The following DCAF10 variants were observed in gnomAD, a reference collection of about 807,000 sequenced individuals.
DCAF10 encodes the protein DDB1 and CUL4 associated factor 10.
Under a neutral mutation model 51.9 loss-of-function variants are expected in DCAF10, and 19 were observed. The ratio of observed to expected loss-of-function variants is 0.37; its 90% CI spans 0.26 to 0.54. DCAF10 has a LOEUF of 0.54. Among genes scored for constraint, DCAF10 ranks in the 20% least tolerant of loss-of-function variants. The probability of loss-of-function intolerance (pLI) is 0.87; values close to 1 mark genes in which losing one functional copy is unlikely to be tolerated. For synonymous variants in DCAF10, 291 were observed against 297.1 expected, an observed-to-expected ratio of 0.98 and a Z score of 0.21; for missense variants, 510 against 730.6, an observed-to-expected ratio of 0.70 and a Z score of 3.48.
intron 2 of DCAF10, among the ~76,000 whole-genome samples, chr9:37,837,186 C>T (rs1830190187): frequency 6.6e-6 from 1 of 152,150 alleles, no homozygotes; most frequent in African/African-American, 2.4e-5. Context: ...GCAGGCCGGG[C>T]ACGGTGGCTC....
intron 3 of DCAF10, among the ~76,000 whole-genome samples, chr9:37,847,224 G>A (rs1455766730): frequency 8.2e-6 from 1 of 121,738 alleles, no homozygotes. Flanking sequence ...TTGCACCCCA[G>A]CCTGGGGCAC....
chr9:37,836,353 C>G, intron 2 of DCAF10: 1 of 1,610,810 alleles, frequency 6.2e-7, no homozygotes, highest in Non-Finnish European at 8.5e-7. Flanking sequence ...ATCAAGGAGC[C>G]AATCTGGGAA....
chr9:37,847,450 T>C lies in DCAF10; in HGVS notation c.851+5164T>C, dbSNP rs539808465. 2.0e-5 allele frequency among the ~76,000 whole-genome samples: 3 copies of C among 152,232 alleles called. No homozygotes were observed. The South Asian group carries it at 6.2e-4, about 32-fold the overall frequency. ...AATCAGTTAATGTAATACATTATAC[T>C]AATAAAGGTCAAAACCCATATGATA... is the stretch of plus-strand genomic sequence containing the variant. On this transcript the variant is annotated intron_variant, in intron 3 of 6. Coordinates refer to ENST00000377724, the MANE Select transcript of DCAF10 (RefSeq NM_024345.5).
Position 37,844,220 on chromosome 9 carries a change from GATA to G in DCAF10, c.851+1936_851+1938del, listed in dbSNP as rs539158407. 2.0e-5 allele frequency among the ~76,000 whole-genome samples: 3 copies of G among 152,322 alleles called. No homozygotes were observed. In the South Asian group the frequency reaches 6.2e-4, roughly 32 times the overall value. ...CAGCATTCTCTCATTTACTTATCTA[GATA>G]AGATAGACAAAAATGGGCCGGGCAT... On this transcript the variant is annotated intron_variant, in intron 3 of 6. Coordinates refer to ENST00000377724, the MANE Select transcript of DCAF10 (RefSeq NM_024345.5).
chr9:37,801,010 T>A lies in DCAF10; in HGVS notation c.144T>A (p.Pro48=). ...LHPGADATHP[P]PPARSPRRPG... The stretch of plus-strand genomic sequence containing the variant: ...CCGGGGCTGATGCGACCCATCCCCC[T>A]CCACCCGCCCGAAGCCCTCGCCGCC... The change falls in exon 1 of 7, where the codon CCT becomes CCA. Residue 48 remains proline, a synonymous_variant. Transcript: ENST00000377724. This position sits in a 1 kb window ranked among gnomAD's most constrained non-coding sequence, Gnocchi z 5.5. 1 of 1,538,274 alleles carries A rather than the reference T, an allele frequency of 6.5e-7. No individual in the cohort carries two copies. The highest frequency in any genetic ancestry group is 2.5e-5 in the East Asian group (1 of 39,812).
intron 2 of DCAF10, among the ~76,000 whole-genome samples, chr9:37,830,337 C>A (rs919804919): frequency 6.6e-6 from 1 of 152,134 alleles, no homozygotes; most frequent in African/African-American, 2.4e-5. Flanking sequence ...TTGGTGAGGG[C>A]ATGTATTTGT....
chr9:37,851,133 A>T (rs1043029006), intron 3 of DCAF10, among the ~76,000 whole-genome samples: 4 of 151,466 alleles, frequency 2.6e-5, no homozygotes, highest in African/African-American at 9.7e-5. Flanking sequence ...AATCCCAGCT[A>T]CTTGGGAGGC....
intron 2 of DCAF10, among the ~76,000 whole-genome samples, chr9:37,822,403 T>TGA (rs1192043970): frequency 1.2e-5 from 1 of 81,292 alleles, no homozygotes; most frequent in Admixed American, 1.6e-4. Flanking sequence ...AAAGAAACTG[T>TGA]GATATATATA....
chr9:37,826,878 A>T (rs10121878), intron 2 of DCAF10, among the ~76,000 whole-genome samples: 27,682 of 135,614 alleles, frequency 0.2, 3,019 homozygotes, highest in African/African-American at 0.32. Flanking sequence ...CAGGCTGGAG[A>T]GCAATGGCGC....
rs888228585 is a variant in DCAF10 at position 37,861,031 on chromosome 9, G to A, written c.1312-109G>A. 2 of 1,435,078 alleles carry A rather than the reference G, an allele frequency of 1.4e-6. No individual in the cohort carries two copies. Among genetic ancestry groups the A allele is most frequent in the Admixed American group, 2.2e-5 (1 of 44,564 alleles). 88.9% of individuals were successfully genotyped at this position (1,435,078 alleles called of 1,614,324 possible). A position where few individuals can be genotyped will look rare whatever the true frequency, so the allele number is the denominator to read the frequency against. On this transcript the variant is annotated intron_variant, in intron 6 of 6. Transcript: ENST00000377724. This position sits in a 1 kb window ranked among gnomAD's most constrained non-coding sequence, Gnocchi z 4.9. ...ATAGCATTATTCTGAGTGATTTCTT[G>A]TAAAAATTCTGTGGCTTTGGCAATC...
In DCAF10 at chr9:37,854,777, T is replaced by C. The variant is rs1297300733; in HGVS notation, c.852-3T>C. ...GATTTTGTTGGCTTGGTTTCTCCTG[T>C]AGGTATACAGAAGATGGGTGTCCAC... On this transcript the variant is annotated splice_region_variant and splice_polypyrimidine_tract_variant and intron_variant, in intron 3 of 6. Coordinates refer to ENST00000377724, the MANE Select transcript of DCAF10 (RefSeq NM_024345.5). The C allele has an allele frequency of 6.2e-7, 1 of 1,613,066 alleles. No individual in the cohort carries two copies. Among genetic ancestry groups the C allele is most frequent in the East Asian group, 2.2e-5 (1 of 44,844 alleles).
chr9:37,830,849 T>C (rs1271404831), intron 2 of DCAF10, among the ~76,000 whole-genome samples: 1 of 152,254 alleles, frequency 6.6e-6, no homozygotes, highest in Non-Finnish European at 1.5e-5. Flanking sequence ...TAGCAACTCA[T>C]GCCTACAAAT....
At chr9:37,845,590 A>G (rs999488036) in intron 3 of DCAF10, among the ~76,000 whole-genome samples, 11 of 152,214 alleles carry the variant, frequency 7.2e-5, no homozygotes, top group Non-Finnish European at 7.3e-5. Context: ...AAGTACTGTT[A>G]AAAGATTGAA....
chr9:37,863,010 A>C lies in DCAF10; in HGVS notation c.*1502A>C, dbSNP rs1831055151. Reference sequence around the variant, plus strand: ...GGGTCTCGGGATTGCAGGTTGAAAAACACAACCTTAATCAGCAGTAAATTC... The same window carrying C: ...GGGTCTCGGGATTGCAGGTTGAAAACCACAACCTTAATCAGCAGTAAATTC... On this transcript the variant is annotated 3_prime_UTR_variant, in exon 7 of 7. Transcript: ENST00000377724. 6.6e-6 allele frequency: 1 copy of C among 152,124 alleles called. No individual in the cohort carries two copies. 9.4% of individuals were successfully genotyped at this position (152,124 alleles called of 1,614,324 possible).
intron 3 of DCAF10, among the ~76,000 whole-genome samples, chr9:37,845,054 T>C (rs1416283361): frequency 6.6e-6 from 1 of 152,216 alleles, no homozygotes; most frequent in Non-Finnish European, 1.5e-5. Context: ...CTGTTCTTAG[T>C]ATCATTTAGT....
In DCAF10 at chr9:37,857,438, G is replaced by GT. The variant is rs1254961685; in HGVS notation, c.1165+91dup. On this transcript the variant is annotated intron_variant, in intron 5 of 6. Coordinates refer to ENST00000377724, the MANE Select transcript of DCAF10 (RefSeq NM_024345.5). The stretch of plus-strand genomic sequence containing the variant: ...TTGATTGATTAAAACCAGTTTTATG[G>GT]TTTTAATCCATAAAAATAAAAGCAA... 4.1e-6 allele frequency: 4 copies of GT among 966,792 alleles called. No individual in the cohort carries two copies. The African/African-American group carries it at 6.8e-5, about 17-fold the overall frequency. 59.9% of individuals were successfully genotyped at this position (966,792 alleles called of 1,614,324 possible). A position where few individuals can be genotyped will look rare whatever the true frequency, so the allele number is the denominator to read the frequency against.
At chr9:37,823,967 A>G (rs1032966396) in intron 2 of DCAF10, among the ~76,000 whole-genome samples, 5 of 143,334 alleles carry the variant, frequency 3.5e-5, no homozygotes, top group African/African-American at 7.9e-5. Context: ...TGCAACCTCT[A>G]TCTCCTGGAC....
At position 37,866,568 on chromosome 9, in the gene DCAF10, T is replaced by C. The variant is rs995436732; in HGVS notation, c.*5060T>C. On this transcript the variant is annotated 3_prime_UTR_variant, in exon 7 of 7. Transcript: ENST00000377724. ...CCCACTTTCTTCTAATGTGCTGTTA[T>C]GAGCTTTGGACATGAGATAACCGTG... 9 of 152,334 alleles carry C rather than the reference T, an allele frequency of 5.9e-5. No individual in the cohort carries two copies. The highest frequency in any genetic ancestry group is 2.1e-4 in the South Asian group (1 of 4,838). The allele number at this position is 152,334 out of a possible 1,614,324, so 9.4% of individuals were successfully genotyped here.
intron 4 of DCAF10, among the ~76,000 whole-genome samples, chr9:37,855,664 ACTTAAG>A (rs1830824993): frequency 1.3e-5 from 2 of 152,240 alleles, no homozygotes; most frequent in African/African-American, 2.4e-5. Flanking sequence ...GGGAAAAAAG[ACTTAAG>A]CATTTGGAAC....
Sources: gnomAD v4.1 joint callset for allele counts (sites outside exome capture counted in the v4.1 genomes callset) on GRCh38, gnomAD v4.1.1 for gene constraint, Gnocchi (gnomAD v3.1) non-coding constraint, MANE v1.5 for transcripts, NCBI Gene and HGNC (gene_info 2026-07-23, HGNC 2026-07-21) for gene names.